JMJD1C: variants seen among roughly 807,000 people sequenced by gnomAD.
The protein encoded by JMJD1C is jumonji domain containing 1C.
JMJD1C carries 31 observed loss-of-function variants against 245.3 expected under a neutral mutation model. The ratio of observed to expected loss-of-function variants is 0.13; its 90% CI spans 0.09 to 0.17. JMJD1C has a LOEUF of 0.17. Ranked by LOEUF, JMJD1C falls within the 10% of genes least tolerant of loss-of-function variation. The pLI, the probability that JMJD1C is intolerant of heterozygous loss-of-function variation, is 1.00. For missense variants in JMJD1C, 2,691 were observed against 3,000.2 expected (o/e 0.90, Z 2.41); for synonymous variants, 1,057 against 1,017.4 (o/e 1.04, Z -0.74).
At chr10:63,473,399 C>T (rs939953351) in intron 1 of JMJD1C, among the ~76,000 whole-genome samples, 1 of 151,978 alleles carries the variant, frequency 6.6e-6, no homozygotes, top group Admixed American at 6.5e-5. Context: ...GCACACAGCA[C>T]CACACCTGGC....
intron 1 of JMJD1C, among the ~76,000 whole-genome samples, chr10:63,392,895 C>CAT: frequency 6.7e-6 from 1 of 149,206 alleles, no homozygotes; most frequent in East Asian, 2.0e-4. Context: ...CACACACACA[C>CAT]ACACACACAC....
intron 1 of JMJD1C, among the ~76,000 whole-genome samples, chr10:63,395,022 GAA>G (rs1212823946): frequency 1.3e-5 from 2 of 152,092 alleles, no homozygotes; most frequent in Non-Finnish European, 2.9e-5. Context: ...CTCAATAAAA[GAA>G]AATTAATTCA....
intron 3 of JMJD1C, among the ~76,000 whole-genome samples, chr10:63,256,905 C>T (rs1384810143): frequency 6.6e-6 from 1 of 152,042 alleles, no homozygotes; most frequent in African/African-American, 2.4e-5. Flanking sequence ...GGAATGTGTT[C>T]GACGCCTGTC....
chr10:63,371,577 T>C (rs1946324582), intron 2 of JMJD1C, among the ~76,000 whole-genome samples: 1 of 152,188 alleles, frequency 6.6e-6, no homozygotes, highest in Admixed American at 6.5e-5. Context: ...GTGACAAACA[T>C]TAGCTAAACT....
intron 1 of JMJD1C, among the ~76,000 whole-genome samples, chr10:63,420,729 A>G (rs2132737354): frequency 6.6e-6 from 1 of 151,436 alleles, no homozygotes; most frequent in African/African-American, 2.4e-5. Flanking sequence ...AAAAAAAAAA[A>G]AAAAAAGGAG....
chr10:63,505,593 A>C (rs1954693375), intron 1 of JMJD1C, among the ~76,000 whole-genome samples: 2 of 152,038 alleles, frequency 1.3e-5, no homozygotes. Context: ...ATATTTAATT[A>C]TGGTGGGCTT....
chr10:63,235,289 A>T (rs1850598987), intron 3 of JMJD1C, among the ~76,000 whole-genome samples: 1 of 152,148 alleles, frequency 6.6e-6, no homozygotes, highest in South Asian at 2.1e-4. Context: ...TGAGGTCACG[A>T]GTTCGAGACC....
chr10:63,354,270 T>C (rs1014679827), intron 2 of JMJD1C, among the ~76,000 whole-genome samples: 1 of 152,224 alleles, frequency 6.6e-6, no homozygotes, highest in South Asian at 2.1e-4. Flanking sequence ...ACAACTCTCT[T>C]ATCACTAAGA....
intron 1 of JMJD1C, among the ~76,000 whole-genome samples, chr10:63,419,834 T>TAAA (rs34006135): frequency 1.6e-3 from 186 of 114,492 alleles, no homozygotes; most frequent in Middle Eastern, 5.1e-3. Flanking sequence ...CTCCATGAAA[T>TAAA]AAAAAAAAAA....
At chr10:63,199,730 G>A (rs1356385272) in intron 11 of JMJD1C, among the ~76,000 whole-genome samples, 1 of 152,074 alleles carries the variant, frequency 6.6e-6, no homozygotes, top group African/African-American at 2.4e-5. Context: ...TACAAAGTGA[G>A]GAAGAAAGAG....
At chr10:63,373,743 C>T (rs1284626037) in intron 2 of JMJD1C, among the ~76,000 whole-genome samples, 1 of 152,122 alleles carries the variant, frequency 6.6e-6, no homozygotes, top group Non-Finnish European at 1.5e-5. Flanking sequence ...CCTCAAATTT[C>T]TCAAATCTGT....
intron 2 of JMJD1C, among the ~76,000 whole-genome samples, chr10:63,281,951 C>T (rs945074549): frequency 6.6e-6 from 1 of 152,188 alleles, no homozygotes; most frequent in African/African-American, 2.4e-5. Flanking sequence ...TCCTGTCAAG[C>T]ACACCATCCT....
intron 3 of JMJD1C, among the ~76,000 whole-genome samples, chr10:63,221,643 G>A (rs1479055636): frequency 6.6e-6 from 1 of 152,198 alleles, no homozygotes; most frequent in Non-Finnish European, 1.5e-5. Flanking sequence ...TACACACTTA[G>A]AAAGTCCTAT....
intron 1 of JMJD1C, among the ~76,000 whole-genome samples, chr10:63,502,875 A>AC (rs1954603962): frequency 6.6e-6 from 1 of 152,232 alleles, no homozygotes; most frequent in African/African-American, 2.4e-5. Context: ...ATTCCGAGAA[A>AC]CATGAGCTGC....
intron 24 of JMJD1C, among the ~76,000 whole-genome samples, chr10:63,170,563 A>C (rs535678942): frequency 6.6e-6 from 1 of 152,342 alleles, no homozygotes; most frequent in Admixed American, 6.5e-5. Flanking sequence ...AATGCCAAAA[A>C]TCAGCTGCCC....
At chr10:63,471,410 G>A (rs1213129040) in intron 1 of JMJD1C, among the ~76,000 whole-genome samples, 1 of 152,106 alleles carries the variant, frequency 6.6e-6, no homozygotes, top group Non-Finnish European at 1.5e-5. Context: ...TATAATGAAG[G>A]AAATTTATAA....
chr10:63,266,884 G>C (rs1855640232), intron 2 of JMJD1C, among the ~76,000 whole-genome samples: 1 of 152,118 alleles, frequency 6.6e-6, no homozygotes, highest in Non-Finnish European at 1.5e-5. Flanking sequence ...CTTCTGAAGA[G>C]AGCTCTCCTT....
intron 2 of JMJD1C, among the ~76,000 whole-genome samples, chr10:63,301,251 G>A (rs2133990710): frequency 6.6e-6 from 1 of 152,296 alleles, no homozygotes; most frequent in Middle Eastern, 3.4e-3. Flanking sequence ...CTGGCCCCAA[G>A]CAATCCTCCC....
chr10:63,442,217 G>A (rs1356434971), intron 1 of JMJD1C, among the ~76,000 whole-genome samples: 1 of 152,138 alleles, frequency 6.6e-6, no homozygotes, highest in Non-Finnish European at 1.5e-5. Flanking sequence ...CCCAGAGTAG[G>A]ATGTCCTAGA....
Sources: gnomAD v4.1 joint callset for allele counts (sites outside exome capture counted in the v4.1 genomes callset) on GRCh38, gnomAD v4.1.1 for gene constraint, MANE v1.5 for transcripts, NCBI Gene and HGNC (gene_info 2026-07-23, HGNC 2026-07-21) for gene names.